The following BABAM2 variants were observed in gnomAD, a reference collection of about 807,000 sequenced individuals.
BABAM2 encodes BRISC and BRCA1 A complex member 2, also known as BRISC and BRCA1-A complex member 2.
A neutral mutation model predicts 54.7 loss-of-function variants in BABAM2; 31 were observed. The observed-to-expected ratio is 0.57, with a 90% CI of 0.43 to 0.77. The LOEUF is 0.77. BABAM2 is among the 30% of genes least tolerant of loss of function. The probability of loss-of-function intolerance (pLI) is 0.00; values close to 1 mark genes in which losing one functional copy is unlikely to be tolerated. For synonymous variants in BABAM2, 167 were observed against 162.9 expected (o/e 1.03, Z -0.19); for missense variants, 364 against 455.8 (o/e 0.80, Z 1.83).
At chr2:28,254,957 A>G (rs537690143) in intron 10 of BABAM2, among the ~76,000 whole-genome samples, 1 of 151,852 alleles carries the variant, frequency 6.6e-6, no homozygotes, top group South Asian at 2.1e-4. Context: ...GGCTTGTCTC[A>G]AACTTCTGGC....
intron 4 of BABAM2, among the ~76,000 whole-genome samples, chr2:28,022,251 A>G (rs968795766): frequency 6.6e-6 from 1 of 152,224 alleles, no homozygotes; most frequent in Non-Finnish European, 1.5e-5. Context: ...ACCACTATTC[A>G]TGAGTTCGCT....
chr2:28,299,428 C>T (rs1558511368), intron 11 of BABAM2, among the ~76,000 whole-genome samples: 1 of 152,148 alleles, frequency 6.6e-6, no homozygotes, highest in Non-Finnish European at 1.5e-5. Context: ...ATCATAGTTT[C>T]CAAAAATAAA....
At chr2:28,044,616 G>A (rs768691273) in intron 5 of BABAM2, among the ~76,000 whole-genome samples, 2 of 152,164 alleles carry the variant, frequency 1.3e-5, no homozygotes, top group Non-Finnish European at 2.9e-5. Context: ...TGCTATGCAT[G>A]TGTGCCTAGG....
chr2:27,954,413 A>C (rs974300903), intron 3 of BABAM2, among the ~76,000 whole-genome samples: 1 of 152,254 alleles, frequency 6.6e-6, no homozygotes, highest in African/African-American at 2.4e-5. Flanking sequence ...TGGAGGCCTC[A>C]GCAACTCACT....
chr2:28,192,180 G>A (rs368463753), intron 7 of BABAM2, among the ~76,000 whole-genome samples: 137 of 151,186 alleles, frequency 9.1e-4, no homozygotes, highest in Non-Finnish European at 1.3e-3. Flanking sequence ...GACCACAGGC[G>A]CCCGCCACCA....
chr2:27,980,410 CT>C lies in BABAM2; in HGVS notation c.206-7581del, dbSNP rs1293817791. Among the ~76,000 whole-genome samples the C allele has an allele frequency of 2.0e-5, 3 of 152,298 alleles. No individual in the cohort carries two copies. In the East Asian group the frequency reaches 5.8e-4, roughly 29 times the overall value. On this transcript the variant is annotated intron_variant, in intron 3 of 11. Transcript: ENST00000379624. ...TTGAGGTCAGGTACTATGTTTTCTA[CT>C]TCCTGTATAACTCCCCAGGTGTCCA...
At chr2:28,184,285 T>TC (rs70956004) in intron 7 of BABAM2, among the ~76,000 whole-genome samples, 29 of 102,202 alleles carry the variant, frequency 2.8e-4, no homozygotes, top group Non-Finnish European at 3.5e-4. Flanking sequence ...TCTCTCTCTC[T>TC]CCCCCCCTCC....
rs998472345 is a variant in BABAM2 at position 28,326,173 on chromosome 2, G to A, written c.1089-12277G>A. ...ATGACTAAAAAGTGGAGGGTAATCTGTGAGCTTGGTGGTGACTCACCACCA... is the reference window on the plus strand; with the variant it reads ...ATGACTAAAAAGTGGAGGGTAATCTATGAGCTTGGTGGTGACTCACCACCA... On this transcript the variant is annotated intron_variant, in intron 11 of 11. Transcript: ENST00000379624. Among the ~76,000 whole-genome samples, 4 of 152,294 alleles carry A rather than the reference G, an allele frequency of 2.6e-5. No individual in the cohort carries two copies. In the South Asian group the frequency reaches 8.3e-4, roughly 32 times the overall value.
intron 2 of BABAM2, 63 bp downstream of exon 2, chr2:27,894,747 C>A: frequency 6.3e-7 from 1 of 1,579,646 alleles, no homozygotes; most frequent in East Asian, 2.2e-5. Context: ...CTAATGACAG[C>A]CCTTCCTTAC....
intron 11 of BABAM2, among the ~76,000 whole-genome samples, chr2:28,319,725 T>C (rs969293135): frequency 2.0e-5 from 3 of 152,268 alleles, no homozygotes; most frequent in African/African-American, 7.2e-5. Context: ...CTGTAGGCCC[T>C]GCCCTAGGCC....
intron 4 of BABAM2, among the ~76,000 whole-genome samples, chr2:28,000,540 G>A (rs1474436547): frequency 6.6e-6 from 1 of 152,166 alleles, no homozygotes; most frequent in Non-Finnish European, 1.5e-5. Context: ...TTGCTACCCT[G>A]TAAAGCTACT....
At chr2:28,225,347 G>A (rs60485256) in intron 7 of BABAM2, among the ~76,000 whole-genome samples, 17,509 of 152,182 alleles carry the variant, frequency 0.12, 1,112 homozygotes, top group African/African-American at 0.17. Context: ...GACTGAACAC[G>A]GTTAACACCA....
In BABAM2 at chr2:28,219,511, A is replaced by G. The variant is rs557762739; in HGVS notation, c.681-17691A>G. Among the ~76,000 whole-genome samples, 4 of 152,242 alleles carry G rather than the reference A, an allele frequency of 2.6e-5. No individual in the cohort carries two copies. The South Asian group carries it at 8.3e-4, about 32-fold the overall frequency. ...TCCTTAACCTTTATTACATCTCACC[A>G]AAGTCCCTTTAGCCATGTAGGGTAA... On this transcript the variant is annotated intron_variant, in intron 7 of 11. Coordinates refer to ENST00000379624, the MANE Select transcript of BABAM2 (RefSeq NM_199191.3).
rs1230491409 is a variant in BABAM2 at position 28,325,186 on chromosome 2, T to C, written c.1089-13264T>C. Among the ~76,000 whole-genome samples the C allele has an allele frequency of 6.6e-6, 1 of 152,216 alleles. No individual in the cohort carries two copies. The highest frequency in any genetic ancestry group is 1.5e-5 in the Non-Finnish European group (1 of 68,038). On this transcript the variant is annotated intron_variant, in intron 11 of 11. Coordinates refer to ENST00000379624, the MANE Select transcript of BABAM2 (RefSeq NM_199191.3). The surrounding 1 kb of genome is among the most constrained non-coding windows in gnomAD (Gnocchi z 4.3). ...TCTTTACACCATGTGTGGATATCATTCATCCACGTTGCATATATGCCCTTC... is the reference window on the plus strand; with the variant it reads ...TCTTTACACCATGTGTGGATATCATCCATCCACGTTGCATATATGCCCTTC...
At chr2:28,034,121 C>T (rs746653394) in intron 5 of BABAM2, among the ~76,000 whole-genome samples, 3 of 152,152 alleles carry the variant, frequency 2.0e-5, no homozygotes, top group African/African-American at 7.2e-5. Context: ...AAGCTTCCCT[C>T]ATGTCATCGT....
At chr2:28,203,536 TC>T (rs1167217734) in intron 7 of BABAM2, among the ~76,000 whole-genome samples, 1 of 152,096 alleles carries the variant, frequency 6.6e-6, no homozygotes, top group African/African-American at 2.4e-5. Flanking sequence ...TTTGTTTTCA[TC>T]TTTTTACTTT....
chr2:28,235,601 C>T (rs1681828775), intron 7 of BABAM2, among the ~76,000 whole-genome samples: 1 of 152,130 alleles, frequency 6.6e-6, no homozygotes, highest in Non-Finnish European at 1.5e-5. Flanking sequence ...TACATACTCC[C>T]TGTATCACAA....
chr2:28,260,838 G>C lies in BABAM2; in HGVS notation c.934+15976G>C, dbSNP rs150702995. ...CTTTCATTTCCCATAGCAATGTTTT[G>C]TAGTTTTCAATATACAAGTCTTGCA... On this transcript the variant is annotated intron_variant, in intron 10 of 11. Transcript: ENST00000379624. Among the ~76,000 whole-genome samples, 203 of 151,428 alleles carry C rather than the reference G, an allele frequency of 1.3e-3. 2 individuals are homozygous for C. The highest frequency in any genetic ancestry group is 6.1e-3 in the Admixed American group (93 of 15,212).
intron 11 of BABAM2, among the ~76,000 whole-genome samples, chr2:28,300,098 C>T (rs934340968): frequency 2.6e-5 from 4 of 152,126 alleles, no homozygotes; most frequent in East Asian, 1.9e-4. Context: ...GCCACCACGC[C>T]GGACTAATTT....
Sources: allele counts gnomAD v4.1 joint callset (sites outside exome capture counted in the v4.1 genomes callset), GRCh38; gene constraint gnomAD v4.1.1; non-coding constraint Gnocchi (gnomAD v3.1); transcripts MANE v1.5; gene names NCBI Gene and HGNC (gene_info 2026-07-23, HGNC 2026-07-21).